The following PTP4A3 variants were observed in gnomAD, a reference collection of about 807,000 sequenced individuals.
The protein encoded by PTP4A3 is protein tyrosine phosphatase 4A3.
A neutral mutation model predicts 15.2 loss-of-function variants in PTP4A3; 9 were observed. That is an observed-to-expected ratio of 0.59 (90% CI 0.36 to 1.03). PTP4A3 has a LOEUF of 1.03. Ranked by LOEUF, PTP4A3 falls within the 50% of genes least tolerant of loss-of-function variation. PTP4A3 has a pLI of 0.02. For missense variants in PTP4A3, 234 were observed against 252.1 expected (o/e 0.93, Z 0.49); for synonymous variants, 95 against 102.0 (o/e 0.93, Z 0.41).
rs576010331 is a variant in PTP4A3, at chr8:141,432,379, G to A, written c.*1335G>A. 6.6e-6 allele frequency: 1 copy of A among 152,268 alleles called. No homozygotes were observed. The highest frequency in any genetic ancestry group is 6.5e-5 in the Admixed American group (1 of 15,290). 9.4% of individuals were successfully genotyped at this position (152,268 alleles called of 1,614,324 possible). ...GCTCCTGTGTGGAGAAAGGGCAACAGCTGTCCCGGATGGTTATTCTCTCCT... is the reference window on the plus strand; with the variant it reads ...GCTCCTGTGTGGAGAAAGGGCAACAACTGTCCCGGATGGTTATTCTCTCCT... On this transcript the variant is annotated 3_prime_UTR_variant, in exon 6 of 6. Transcript: ENST00000521578.
intron 1 of PTP4A3, among the ~76,000 whole-genome samples, chr8:141,399,006 C>A (rs1191277889): frequency 6.6e-6 from 1 of 152,134 alleles, no homozygotes; most frequent in African/African-American, 2.4e-5. Context: ...CCGGTGCTCC[C>A]GGCTGCTCTC....
intron 1 of PTP4A3, among the ~76,000 whole-genome samples, chr8:141,395,041 A>G (rs952320568): frequency 1.3e-5 from 2 of 152,192 alleles, no homozygotes; most frequent in East Asian, 3.9e-4. Flanking sequence ...CCTTCCACCC[A>G]GGAGCCTGAG....
chr8:141,427,262 A>G (rs571682610), intron 4 of PTP4A3, among the ~76,000 whole-genome samples, 193 bp downstream of exon 4: 1 of 152,322 alleles, frequency 6.6e-6, no homozygotes, highest in East Asian at 1.9e-4. Context: ...CCCAAAGTCT[A>G]ACCCAACTTC....
chr8:141,403,911 C>T lies in PTP4A3; in HGVS notation c.-854+11827C>T, dbSNP rs982546933. 2.6e-5 allele frequency among the ~76,000 whole-genome samples: 4 copies of T among 152,270 alleles called. No homozygotes were observed. In the South Asian group the frequency reaches 8.3e-4, roughly 31 times the overall value. The stretch of plus-strand genomic sequence containing the variant: ...TTTTTATTTTGCAATAATTTTTATT[C>T]ATTTATTCATTCATTTTCCAACCCA... On this transcript the variant is annotated intron_variant, in intron 1 of 5. Transcript: ENST00000521578.
At chr8:141,410,717 A>T (rs1389557109) in intron 1 of PTP4A3, among the ~76,000 whole-genome samples, 1 of 152,160 alleles carries the variant, frequency 6.6e-6, no homozygotes, top group Non-Finnish European at 1.5e-5. Flanking sequence ...AGATGAGCAC[A>T]CTGAGGCACA....
At chr8:141,397,974 C>T (rs1832494667) in intron 1 of PTP4A3, among the ~76,000 whole-genome samples, 1 of 152,208 alleles carries the variant, frequency 6.6e-6, no homozygotes, top group Non-Finnish European at 1.5e-5. Context: ...GGATGCAGGA[C>T]CCTGGACAGT....
intron 1 of PTP4A3, among the ~76,000 whole-genome samples, chr8:141,400,111 C>T (rs1832552214): frequency 6.6e-6 from 1 of 152,210 alleles, no homozygotes; most frequent in Admixed American, 6.5e-5. Flanking sequence ...GTTAGCCGGG[C>T]TGCTTCTCCT....
chr8:141,409,950 GC>G (rs1377921190), intron 1 of PTP4A3, among the ~76,000 whole-genome samples: 1 of 152,240 alleles, frequency 6.6e-6, no homozygotes, highest in Admixed American at 6.5e-5. Context: ...TGTTGTCATG[GC>G]AGCCAATGCC....
chr8:141,402,859 G>A (rs1832628606), intron 1 of PTP4A3, among the ~76,000 whole-genome samples: 1 of 152,206 alleles, frequency 6.6e-6, no homozygotes, highest in African/African-American at 2.4e-5. Context: ...CCCCTGAAGA[G>A]GAAGTGAGCG....
intron 1 of PTP4A3, among the ~76,000 whole-genome samples, chr8:141,393,350 C>T (rs1029996942): frequency 6.6e-6 from 1 of 152,182 alleles, no homozygotes; most frequent in Non-Finnish European, 1.5e-5. Flanking sequence ...TTGGGGATCT[C>T]CCCATCACCA....
intron 1 of PTP4A3, among the ~76,000 whole-genome samples, chr8:141,393,886 TG>T (rs1832369519): frequency 6.6e-6 from 1 of 152,216 alleles, no homozygotes; most frequent in African/African-American, 2.4e-5. Context: ...CATGGGTGGC[TG>T]GGCTCAAAGA....
rs1055729162 is a variant in PTP4A3, at chr8:141,424,153, G to T, written c.106-895G>T. ...ACCCTGCCTGCTCCCTGCATTCTCA[G>T]ATAGTTGGGTGCTGGCCTCTCTGTG... On this transcript the variant is annotated intron_variant, in intron 2 of 5. Transcript: ENST00000521578. 2.6e-5 allele frequency among the ~76,000 whole-genome samples: 4 copies of T among 152,254 alleles called. No individual in the cohort carries two copies. In the East Asian group the frequency reaches 7.7e-4, roughly 29 times the overall value.
intron 1 of PTP4A3, among the ~76,000 whole-genome samples, chr8:141,417,587 G>C (rs1057095546): frequency 2.0e-5 from 3 of 152,102 alleles, no homozygotes; most frequent in African/African-American, 7.2e-5. Flanking sequence ...CCACAGGCCC[G>C]TGCAGCCCCA....
At chr8:141,418,833 G>C (rs1045972776) in intron 1 of PTP4A3, among the ~76,000 whole-genome samples, 1 of 152,166 alleles carries the variant, frequency 6.6e-6, no homozygotes, top group African/African-American at 2.4e-5. Context: ...CTTAACCCTT[G>C]CTCTCAGGGC....
At chr8:141,427,502 G>A (rs1328721794) in intron 4 of PTP4A3, among the ~76,000 whole-genome samples, 1 of 152,206 alleles carries the variant, frequency 6.6e-6, no homozygotes, top group Non-Finnish European at 1.5e-5. Flanking sequence ...CCGGCTCTTA[G>A]CACTTCACCC....
At chr8:141,394,932 C>T (rs1305801769) in intron 1 of PTP4A3, among the ~76,000 whole-genome samples, 1 of 152,238 alleles carries the variant, frequency 6.6e-6, no homozygotes, top group African/African-American at 2.4e-5. Context: ...CGGTTGGGGG[C>T]GGCCCAGAGT....
rs1296190514 is a variant in PTP4A3, at chr8:141,422,281, A to G, written c.41A>G (p.Tyr14Cys). ...MNRPAPVEVS[Y>C]KHMRFLITHN... Reference sequence around the variant, plus strand: ...CGCCCGGCCCCGGTGGAGGTGAGCTACAAACACATGCGCTTCCTCATCACC... The same window carrying G: ...CGCCCGGCCCCGGTGGAGGTGAGCTGCAAACACATGCGCTTCCTCATCACC... Residue 14 changes from tyrosine (Y) to cysteine (C), a missense_variant, in exon 2 of 6, where the codon TAC becomes TGC. Physicochemically the swap from Tyr to Cys is radical, Grantham distance 194. Transcript: ENST00000521578. The G allele has an allele frequency of 6.2e-7, 1 of 1,613,170 alleles. No homozygotes were observed. Among genetic ancestry groups the G allele is most frequent in the Non-Finnish European group, 8.5e-7 (1 of 1,180,002 alleles).
chr8:141,410,694 G>A (rs1294760627), intron 1 of PTP4A3, among the ~76,000 whole-genome samples: 1 of 152,102 alleles, frequency 6.6e-6, no homozygotes, highest in East Asian at 1.9e-4. Context: ...GCCTTCCAGC[G>A]AACCCATCCT....
intron 1 of PTP4A3, chr8:141,392,549 G>A (rs1386713761): frequency 6.6e-6 from 1 of 152,404 alleles, no homozygotes; most frequent in African/African-American, 2.4e-5. Context: ...TGTCAGTGGA[G>A]GTCAGGGGAA....
Sources: gnomAD v4.1 joint callset for allele counts (sites outside exome capture counted in the v4.1 genomes callset) on GRCh38, gnomAD v4.1.1 for gene constraint, MANE v1.5 for transcripts, NCBI Gene and HGNC (gene_info 2026-07-23, HGNC 2026-07-21) for gene names.